Variants in DDX11 observed in about 807,000 individuals in gnomAD.
DDX11 encodes DEAD/H-box helicase 11, also known as ATP-dependent DNA helicase DDX11.
A neutral mutation model predicts 125.2 loss-of-function variants in DDX11; 72 were observed. The ratio of observed to expected loss-of-function variants is 0.58; its 90% CI spans 0.48 to 0.70. DDX11 has a LOEUF of 0.70. DDX11 is among the 30% of genes least tolerant of loss of function. DDX11 has a pLI of 0.00. For synonymous variants in DDX11, 347 were observed against 452.6 expected (o/e 0.77, Z 2.96); for missense variants, 883 against 1,165.0 (o/e 0.76, Z 3.52).
At chr12:31,098,216 G>T (rs1319443240) in intron 18 of DDX11, among the ~76,000 whole-genome samples, 3 of 152,224 alleles carry the variant, frequency 2.0e-5, no homozygotes, top group Non-Finnish European at 4.4e-5. Flanking sequence ...GCTCCATTCT[G>T]TAGCCCCAGG....
chr12:31,084,944 C>T, intron 4 of DDX11, 25 bp from the exon 5 acceptor site: 1 of 1,591,978 alleles, frequency 6.3e-7, no homozygotes. Flanking sequence ...CTTCCTCCCT[C>T]ACCACCTCCA....
At chr12:31,077,973 C>A (rs1338438187) in intron 1 of DDX11, 1 of 345,810 alleles carries the variant, frequency 2.9e-6, no homozygotes, top group Non-Finnish European at 5.7e-6. Context: ...AGTGAAGTAG[C>A]TTCGGCTTGT....
At position 31,099,229 on chromosome 12, in the gene DDX11, A is replaced by C. The variant is rs566160098; in HGVS notation, c.1875+1232A>C. Among the ~76,000 whole-genome samples, 14 of 151,518 alleles carry C rather than the reference A, an allele frequency of 9.2e-5. No individual in the cohort carries two copies. In the South Asian group the frequency reaches 2.7e-3, roughly 29 times the overall value. ...CAACCTCCTGAGTAGCTGTGATTAC[A>C]GGCATGTGCCACCACACCCAGCTAA... On this transcript the variant is annotated intron_variant, in intron 18 of 26. Coordinates refer to ENST00000542838, the MANE Select transcript of DDX11 (RefSeq NM_030653.4).
rs376076534 is a variant in DDX11 at position 31,083,835 on chromosome 12, G to T, written c.167G>T (p.Cys56Phe). ...TGTGKSLSLI[C>F]GALSWLRDFE... ...CAGGGGAAGTCCTTAAGTCTTATTT[G>T]TGGGGCCCTCTCTTGGCTCCGTGAC... The change falls in exon 3 of 27, where the codon TGT becomes TTT. Residue 56 changes from cysteine (C) to phenylalanine (F), a missense_variant. Coordinates refer to ENST00000542838, the MANE Select transcript of DDX11 (RefSeq NM_030653.4). 6.4e-5 allele frequency: 103 copies of T among 1,612,042 alleles called. No individual in the cohort carries two copies. The highest frequency in any genetic ancestry group is 8.6e-5 in the Non-Finnish European group (101 of 1,179,850).
Position 31,100,636 on chromosome 12 carries a change from T to C in DDX11, c.1877T>C (p.Val626Ala). 6.4e-7 allele frequency: 1 copy of C among 1,552,392 alleles called. No homozygotes were observed. The highest frequency in any genetic ancestry group is 8.7e-7 in the Non-Finnish European group (1 of 1,147,198). ...VVIAGGTMQP[V>A]SDFRQQLLAC... is the part of the protein sequence containing the mutation. ...TGACGCTGTGGCCTTGGTCTACAGG[T>C]GTCTGACTTCCGGCAGCAGCTGCTG... Residue 626 changes from valine to alanine, a missense_variant and splice_region_variant, in exon 19 of 27, where the codon GTG (valine) becomes GCG (alanine). By Grantham distance (64) the Val-to-Ala change is moderately conservative. This residue lies in a region of DDX11 where 241 missense variants were observed against 279.7 expected (regional missense o/e 0.86). Transcript: ENST00000542838.
chr12:31,079,163 G>C (rs565471490), intron 2 of DDX11, among the ~76,000 whole-genome samples: 1 of 152,248 alleles, frequency 6.6e-6, no homozygotes, highest in East Asian at 1.9e-4. Context: ...TTATGATTAT[G>C]TTTTGAACAT....
rs1944870561 is a variant in DDX11, at chr12:31,094,511, G to T, written c.1370-79G>T. On this transcript the variant is annotated intron_variant, in intron 12 of 26. Transcript: ENST00000542838. The stretch of plus-strand genomic sequence containing the variant: ...AGATGCTCTTCTTACTTGATGTGCA[G>T]TGTGGAGGGAGAGAAGATAGGGAAG... 16 of 1,506,668 alleles carry T rather than the reference G, an allele frequency of 1.1e-5. No homozygotes were observed. The South Asian group carries it at 1.6e-4, about 15-fold the overall frequency. The allele number at this position is 1,506,668 out of a possible 1,614,324, so 93.3% of individuals were successfully genotyped here.
intron 17 of DDX11, 40 bp from the exon 18 acceptor site, chr12:31,097,845 G>T: frequency 7.9e-7 from 1 of 1,259,232 alleles, no homozygotes; most frequent in South Asian, 1.2e-5. Context: ...AGAAGTGTCT[G>T]TTGGGCTTGC....
chr12:31,101,329 G>A (rs1592813464), intron 20 of DDX11, 199 bp downstream of exon 20: 10 of 613,320 alleles, frequency 1.6e-5, no homozygotes, highest in East Asian at 5.6e-5. Context: ...CGCCCCTCAC[G>A]CCTTAGGCTG....
intron 2 of DDX11, among the ~76,000 whole-genome samples, chr12:31,079,224 A>T (rs2140420932): frequency 6.6e-6 from 1 of 151,734 alleles, no homozygotes; most frequent in East Asian, 1.9e-4. Flanking sequence ...CTAGTTAATA[A>T]TTGCCCTTTT....
chr12:31,099,807 C>T (rs1349751370), intron 18 of DDX11, among the ~76,000 whole-genome samples: 1 of 151,758 alleles, frequency 6.6e-6, no homozygotes, highest in Non-Finnish European at 1.5e-5. Flanking sequence ...AAGATCTATT[C>T]AGGAAAGCCT....
chr12:31,088,893 G>A (rs1943647391), intron 6 of DDX11, 151 bp from the exon 7 acceptor site: 1 of 691,436 alleles, frequency 1.4e-6, no homozygotes, highest in Non-Finnish European at 2.7e-6. Context: ...ATAGATGCCT[G>A]ACATGGGACA....
intron 12 of DDX11, 82 bp downstream of exon 12, chr12:31,093,406 T>C: frequency 6.4e-7 from 1 of 1,573,540 alleles, no homozygotes; most frequent in Admixed American, 1.8e-5. Flanking sequence ...TCAGGACACC[T>C]CAGTTCTCTG....
chr12:31,102,245 A>G lies in DDX11; in HGVS notation c.2205A>G (p.Ile735Met). 1.2e-6 allele frequency: 2 copies of G among 1,613,904 alleles called. No homozygotes were observed. The highest frequency in any genetic ancestry group is 1.1e-5 in the South Asian group (1 of 91,076). ...LLGRLAARKKIFQEPKSAHQV... is the reference protein window; with the variant it reads ...LLGRLAARKKMFQEPKSAHQV... ...GAAATGTCCTCTGTCTTTCTCAGAT[A>G]TTCCAGGAACCTAAGAGCGCACACC... The change falls in exon 22 of 27, where the codon ATA becomes ATG. Residue 735 changes from isoleucine (I) to methionine (M), a missense_variant and splice_region_variant. Transcript: ENST00000542838.
intron 14 of DDX11, among the ~76,000 whole-genome samples, chr12:31,095,523 GC>G (rs1270115574): frequency 1.3e-5 from 2 of 152,142 alleles, no homozygotes; most frequent in Non-Finnish European, 2.9e-5. Flanking sequence ...TTCCCATCCT[GC>G]CTGCCTTTTT....
intron 9 of DDX11, chr12:31,090,907 C>T (rs4031306): frequency 1.3e-5 from 2 of 152,410 alleles, no homozygotes; most frequent in Non-Finnish European, 2.9e-5. Flanking sequence ...CCTTCCCTCC[C>T]GTCTGTTTGC....
At chr12:31,094,543 GGGT>G (rs1944875044) in intron 12 of DDX11, 44 bp from the exon 13 acceptor site, 1 of 1,414,808 alleles carries the variant, frequency 7.1e-7, no homozygotes, top group Admixed American at 2.1e-5. Context: ...GAAGGGTTGG[GGGT>G]CCTGAGAACC....
intron 12 of DDX11, among the ~76,000 whole-genome samples, chr12:31,094,037 C>T (rs1050307506): frequency 6.6e-6 from 1 of 151,856 alleles, no homozygotes; most frequent in Non-Finnish European, 1.5e-5. Context: ...TAAACTAGAG[C>T]TCGGAGCAAG....
At chr12:31,103,226 CCTGGT>C (rs1946705406) in intron 24 of DDX11, 86 bp from the exon 25 acceptor site, 1 of 1,553,590 alleles carries the variant, frequency 6.4e-7, no homozygotes, top group Non-Finnish European at 8.7e-7. Context: ...CACGAAGCCT[CCTGGT>C]CTGGCTCCAA....
Sources: gnomAD v4.1 joint callset for allele counts (sites outside exome capture counted in the v4.1 genomes callset) on GRCh38, gnomAD v4.1.1 for gene constraint, gnomAD v4.1.1 regional missense constraint, MANE v1.5 for transcripts, NCBI Gene and HGNC (gene_info 2026-07-23, HGNC 2026-07-21) for gene names.